Variants in PDE4D observed in about 807,000 individuals in gnomAD.
PDE4D encodes the protein phosphodiesterase 4D.
PDE4D carries 24 observed loss-of-function variants against 87.4 expected under a neutral mutation model. The observed-to-expected ratio is 0.27, with a 90% CI of 0.20 to 0.39. PDE4D has a LOEUF of 0.39. Among genes scored for constraint, PDE4D ranks in the 10% least tolerant of loss-of-function variants. PDE4D has a pLI of 1.00. For missense variants in PDE4D, 714 were observed against 1,041.0 expected (o/e 0.69, Z 4.32); for synonymous variants, 384 against 383.2 (o/e 1.00, Z -0.02).
At chr5:59,340,290 C>T (rs154024) in intron 1 of PDE4D, among the ~76,000 whole-genome samples, 62,193 of 151,966 alleles carry the variant, frequency 0.41, 13,263 homozygotes, top group African/African-American at 0.53. Context: ...TCAGTAGAAA[C>T]ATAATGTGAA....
chr5:60,034,738 T>G (rs1178583843), intron 2 of PDE4D, among the ~76,000 whole-genome samples: 1 of 152,228 alleles, frequency 6.6e-6, no homozygotes, highest in Non-Finnish European at 1.5e-5. Flanking sequence ...CGCATGTTAT[T>G]CGTTACACTA....
chr5:60,117,745 C>A (rs763008676), intron 2 of PDE4D, among the ~76,000 whole-genome samples: 5 of 151,866 alleles, frequency 3.3e-5, no homozygotes, highest in Admixed American at 6.6e-5. Flanking sequence ...ACCTCTGGCT[C>A]ATAAAAATAT....
At chr5:59,725,759 G>C (rs1412035639) in intron 1 of PDE4D, among the ~76,000 whole-genome samples, 1 of 151,886 alleles carries the variant, frequency 6.6e-6, no homozygotes, top group African/African-American at 2.4e-5. Flanking sequence ...CTTGGACTTA[G>C]GAAACAATTT....
chr5:60,440,782 T>G lies in PDE4D; in HGVS notation c.-90+47160A>C, dbSNP rs113498711. Among the ~76,000 whole-genome samples, 380 of 152,264 alleles carry G rather than the reference T, an allele frequency of 2.5e-3. 3 individuals are homozygous for G. Among genetic ancestry groups the G allele is most frequent in the African/African-American group, 8.9e-3 (369 of 41,560 alleles). ...GTTTACTATGTGCAGGATAATCATT[T>G]AATTATTACAACAACCCTATAAGGC... On this transcript the variant is annotated intron_variant, in intron 1 of 16. Transcript: ENST00000502484.
chr5:60,424,474 A>G (rs1242446338), intron 1 of PDE4D, among the ~76,000 whole-genome samples: 1 of 152,194 alleles, frequency 6.6e-6, no homozygotes, highest in Non-Finnish European at 1.5e-5. Flanking sequence ...CTTCAACAAA[A>G]TTCGATAGCC....
chr5:59,843,094 A>G (rs1177908011), intron 1 of PDE4D, among the ~76,000 whole-genome samples: 1 of 151,954 alleles, frequency 6.6e-6, no homozygotes, highest in Non-Finnish European at 1.5e-5. Flanking sequence ...TTTTTACCTC[A>G]GGAAACATAT....
intron 1 of PDE4D, among the ~76,000 whole-genome samples, chr5:60,296,672 A>G (rs942777009): frequency 1.3e-5 from 2 of 152,204 alleles, no homozygotes; most frequent in Non-Finnish European, 2.9e-5. Context: ...TTTTCACAAC[A>G]GCAAAGATTT....
chr5:59,039,656 C>T (rs1233036044), intron 5 of PDE4D: 2 of 331,690 alleles, frequency 6.0e-6, no homozygotes, highest in East Asian at 1.7e-4. Flanking sequence ...GAAAAGATTC[C>T]GAATTGCAAA....
intron 1 of PDE4D, among the ~76,000 whole-genome samples, chr5:59,469,155 GTC>G (rs1562243423): frequency 6.6e-6 from 1 of 152,122 alleles, no homozygotes; most frequent in East Asian, 1.9e-4. Context: ...GTGAAACTCT[GTC>G]TCTACTAAAA....
intron 1 of PDE4D, among the ~76,000 whole-genome samples, chr5:59,452,071 CTTTT>C (rs112445936): frequency 6.6e-6 from 1 of 150,834 alleles, no homozygotes; most frequent in East Asian, 1.9e-4. Flanking sequence ...GTTTGTGATT[CTTTT>C]TTTTAGTTCA....
intron 5 of PDE4D, among the ~76,000 whole-genome samples, chr5:59,073,531 G>A (rs2153419414): frequency 6.6e-6 from 1 of 150,538 alleles, no homozygotes; most frequent in Admixed American, 6.6e-5. Flanking sequence ...GGTTGGAGAT[G>A]AGGAGGAGAT....
At chr5:60,446,702 T>G (rs1745670046) in intron 1 of PDE4D, among the ~76,000 whole-genome samples, 2 of 152,194 alleles carry the variant, frequency 1.3e-5, no homozygotes, top group Non-Finnish European at 2.9e-5. Context: ...TGATTCACAG[T>G]GATGTGTTAA....
At chr5:59,639,121 T>C (rs997922891) in intron 1 of PDE4D, among the ~76,000 whole-genome samples, 3 of 152,200 alleles carry the variant, frequency 2.0e-5, no homozygotes, top group African/African-American at 4.8e-5. Context: ...TAATAATTTT[T>C]TATAATATCA....
chr5:59,329,920 G>T (rs1008263963), intron 1 of PDE4D, among the ~76,000 whole-genome samples: 4 of 152,124 alleles, frequency 2.6e-5, no homozygotes, highest in African/African-American at 9.7e-5. Context: ...TTCTTTTGCA[G>T]ATATATGACA....
intron 1 of PDE4D, among the ~76,000 whole-genome samples, chr5:59,659,641 C>T (rs1218451234): frequency 2.6e-5 from 4 of 152,218 alleles, no homozygotes; most frequent in African/African-American, 9.6e-5. Flanking sequence ...TCTCCTTTCT[C>T]TGACAGTGTC....
intron 3 of PDE4D, among the ~76,000 whole-genome samples, chr5:59,976,510 C>T (rs1474763798): frequency 6.6e-6 from 1 of 152,140 alleles, no homozygotes; most frequent in Non-Finnish European, 1.5e-5. Context: ...CCCCCTTCAC[C>T]TTCTGCCATG....
At chr5:60,462,880 T>C (rs1441006264) in intron 1 of PDE4D, among the ~76,000 whole-genome samples, 1 of 152,226 alleles carries the variant, frequency 6.6e-6, no homozygotes, top group Non-Finnish European at 1.5e-5. Context: ...CTCATTTTCA[T>C]CATATACAAC....
At chr5:60,449,886 TAATA>T (rs1480268515) in intron 1 of PDE4D, among the ~76,000 whole-genome samples, 1 of 146,556 alleles carries the variant, frequency 6.8e-6, no homozygotes, top group Non-Finnish European at 1.5e-5. Flanking sequence ...AGTATGATAA[TAATA>T]AATAAATAAA....
intron 2 of PDE4D, among the ~76,000 whole-genome samples, chr5:59,199,943 TATAC>T (rs1383820707): frequency 3.3e-5 from 5 of 151,732 alleles, no homozygotes; most frequent in Admixed American, 2.6e-4. Context: ...TATATACATA[TATAC>T]ATACATGTAT....
Sources: allele counts gnomAD v4.1 joint callset (sites outside exome capture counted in the v4.1 genomes callset), GRCh38; gene constraint gnomAD v4.1.1; transcripts MANE v1.5; gene names NCBI Gene and HGNC (gene_info 2026-07-23, HGNC 2026-07-21).